The following ANKFN1 variants were observed in gnomAD, a reference collection of about 807,000 sequenced individuals.
ANKFN1 encodes ankyrin repeat and fibronectin type III domain containing 1.
ANKFN1 carries 74 observed loss-of-function variants against 108.7 expected under a neutral mutation model. That is an observed-to-expected ratio of 0.68 (90% CI 0.56 to 0.83). The LOEUF (loss-of-function observed/expected upper bound fraction) is 0.83. Ranked by LOEUF, ANKFN1 falls within the 40% of genes least tolerant of loss-of-function variation. The pLI is 0.00. For missense variants in ANKFN1, 1,505 were observed against 1,382.3 expected (o/e 1.09, Z -1.41); for synonymous variants, 547 against 516.2 (o/e 1.06, Z -0.81).
chr17:56,280,494 T>C (rs1205470122), intron 3 of ANKFN1, among the ~76,000 whole-genome samples: 1 of 152,200 alleles, frequency 6.6e-6, no homozygotes, highest in African/African-American at 2.4e-5. Flanking sequence ...TTGTCCACTG[T>C]TGGATGCCCT....
chr17:56,353,731 A>G, intron 5 of ANKFN1, 105 bp from the exon 6 acceptor site: 2 of 939,150 alleles, frequency 2.1e-6, no homozygotes, highest in Non-Finnish European at 3.3e-6. Flanking sequence ...TCCACTTATA[A>G]GTGGACATGC....
Position 56,351,741 on chromosome 17 carries a change from C to T in ANKFN1, c.390+774C>T, listed in dbSNP as rs143490318. On this transcript the variant is annotated intron_variant, in intron 5 of 20. Coordinates refer to ENST00000682825, the MANE Select transcript of ANKFN1 (RefSeq NM_001370326.1). Reference sequence around the variant, plus strand: ...ATAGAGAATGGCGTAAATAGTGGAACTCATGATGTTACAGGTATTCTCATA... The same window carrying T: ...ATAGAGAATGGCGTAAATAGTGGAATTCATGATGTTACAGGTATTCTCATA... Among the ~76,000 whole-genome samples the T allele has an allele frequency of 8.1e-3, 1,232 of 152,266 alleles. 14 individuals are homozygous for T. Among genetic ancestry groups the T allele is most frequent in the Non-Finnish European group, 0.013 (863 of 68,018 alleles).
At chr17:56,139,819 C>T (rs893069061) in intron 4 of ANKFN1, among the ~76,000 whole-genome samples, 5 of 152,112 alleles carry the variant, frequency 3.3e-5, no homozygotes, top group East Asian at 1.9e-4. Context: ...TTTGTATCAT[C>T]GTCCCTTGGT....
intron 3 of ANKFN1, among the ~76,000 whole-genome samples, chr17:56,302,712 T>C (rs774561335): frequency 1.3e-5 from 2 of 152,030 alleles, no homozygotes; most frequent in African/African-American, 2.4e-5. Flanking sequence ...TAAGACAGAG[T>C]ATATATTTCT....
intron 4 of ANKFN1, among the ~76,000 whole-genome samples, chr17:56,117,977 C>T (rs1238480553): frequency 6.6e-6 from 1 of 152,098 alleles, no homozygotes; most frequent in Admixed American, 6.6e-5. Context: ...ATAATAGAAT[C>T]ATACAAAATG....
intron 2 of ANKFN1, among the ~76,000 whole-genome samples, chr17:56,215,449 G>C (rs918702165): frequency 1.1e-4 from 16 of 152,204 alleles, no homozygotes; most frequent in Non-Finnish European, 1.6e-4. Flanking sequence ...ACAGAGGTGA[G>C]TTTTCTCAAC....
At chr17:56,199,177 T>C (rs1260739972) in intron 1 of ANKFN1, among the ~76,000 whole-genome samples, 1 of 152,178 alleles carries the variant, frequency 6.6e-6, no homozygotes, top group Non-Finnish European at 1.5e-5. Flanking sequence ...TTTTGTGGTT[T>C]TGTAGTTTAC....
rs766153198 is a variant in ANKFN1, at chr17:56,509,232, G to A, written c.2645-1241G>A. ...TGTTACCAAAGACCCAAATAAGAAT[G>A]TCATAAACACAAGATACTTTCTCTC... is the stretch of plus-strand genomic sequence containing the variant. On this transcript the variant is annotated intron_variant, in intron 20 of 20. Transcript: ENST00000682825. 5.9e-5 allele frequency among the ~76,000 whole-genome samples: 9 copies of A among 152,166 alleles called. No individual in the cohort carries two copies. The East Asian group carries it at 1.2e-3, about 19-fold the overall frequency.
intron 12 of ANKFN1, 61 bp downstream of exon 12, chr17:56,457,021 T>A: frequency 6.8e-7 from 1 of 1,480,914 alleles, no homozygotes; most frequent in Admixed American, 2.0e-5. Context: ...TGGTTTTGGT[T>A]CTGAGTAGAA....
chr17:56,313,652 T>C (rs2045111022), intron 3 of ANKFN1, among the ~76,000 whole-genome samples: 2 of 152,208 alleles, frequency 1.3e-5, no homozygotes, highest in African/African-American at 2.4e-5. Context: ...TAGATTAGTC[T>C]ATGTTTGATC....
At chr17:56,199,435 G>A (rs1450851771) in intron 1 of ANKFN1, among the ~76,000 whole-genome samples, 1 of 151,866 alleles carries the variant, frequency 6.6e-6, no homozygotes, top group Non-Finnish European at 1.5e-5. Context: ...ATACGCAAAG[G>A]TCATGCTCTT....
intron 3 of ANKFN1, among the ~76,000 whole-genome samples, chr17:56,257,043 C>A (rs2043376060): frequency 6.6e-6 from 1 of 152,220 alleles, no homozygotes; most frequent in Non-Finnish European, 1.5e-5. Context: ...ACTTAACTCA[C>A]TTAACTGTGG....
intron 1 of ANKFN1, among the ~76,000 whole-genome samples, chr17:56,168,826 T>A (rs1287335303): frequency 6.6e-6 from 1 of 152,194 alleles, no homozygotes; most frequent in Non-Finnish European, 1.5e-5. Flanking sequence ...TTGGAACAGT[T>A]ACTTTAGAGG....
At chr17:56,265,004 C>G (rs1271300731) in intron 3 of ANKFN1, among the ~76,000 whole-genome samples, 1 of 151,990 alleles carries the variant, frequency 6.6e-6, no homozygotes, top group Non-Finnish European at 1.5e-5. Flanking sequence ...TAAATTATAC[C>G]CACTCTGAAA....
chr17:56,257,707 T>C (rs1183142001), intron 3 of ANKFN1, among the ~76,000 whole-genome samples: 1 of 152,164 alleles, frequency 6.6e-6, no homozygotes, highest in East Asian at 1.9e-4. Context: ...CAGACAGCCA[T>C]AGTTTCCTTT....
At position 56,170,789 on chromosome 17, in the gene ANKFN1, T is replaced by TAC. The variant is rs1476392413; in HGVS notation, c.-71+17260_-71+17261insCA. 1.9e-4 allele frequency among the ~76,000 whole-genome samples: 12 copies of TAC among 64,410 alleles called. 1 individual carries two copies. The South Asian group carries it at 8.6e-3, about 46-fold the overall frequency. The allele number at this position is 64,410 out of a possible 152,430, so 42.3% of individuals were successfully genotyped here. On this transcript the variant is annotated intron_variant, in intron 1 of 20. Transcript: ENST00000682825. ...AAAAAATTTTTTATATATATATATA[T>TAC]ATATATATATATATATATACACACA... is the stretch of plus-strand genomic sequence containing the variant.
intron 1 of ANKFN1, among the ~76,000 whole-genome samples, chr17:56,156,181 G>C (rs571972689): frequency 6.6e-6 from 1 of 151,104 alleles, no homozygotes; most frequent in East Asian, 2.0e-4. Flanking sequence ...CAGAGTTCAA[G>C]CAATTCTCAT....
At chr17:56,452,866 C>G (rs1408972244) in intron 11 of ANKFN1, among the ~76,000 whole-genome samples, 1 of 152,130 alleles carries the variant, frequency 6.6e-6, no homozygotes, top group Non-Finnish European at 1.5e-5. Context: ...CTGGGCTGTA[C>G]TTTTACTTCT....
chr17:56,207,831 C>G (rs1003841561), intron 1 of ANKFN1, among the ~76,000 whole-genome samples: 1 of 152,008 alleles, frequency 6.6e-6, no homozygotes, highest in African/African-American at 2.4e-5. Flanking sequence ...CTTTTAGATC[C>G]TCCTTAATAA....
Sources: allele counts gnomAD v4.1 joint callset (sites outside exome capture counted in the v4.1 genomes callset), GRCh38; gene constraint gnomAD v4.1.1; transcripts MANE v1.5; gene names NCBI Gene and HGNC (gene_info 2026-07-23, HGNC 2026-07-21).